Variants in SPACA7 observed in about 807,000 individuals in gnomAD.
SPACA7 encodes sperm acrosome associated 7, also known as sperm acrosome-associated protein 7.
Under a neutral mutation model 26.3 loss-of-function variants are expected in SPACA7, and 19 were observed. That is an observed-to-expected ratio of 0.72 (90% CI 0.50 to 1.06). The LOEUF is 1.06. SPACA7 is among the 50% of genes least tolerant of loss of function. The probability of loss-of-function intolerance (pLI) is 0.00; values close to 1 mark genes in which losing one functional copy is unlikely to be tolerated. For missense variants in SPACA7, 211 were observed against 229.9 expected (o/e 0.92, Z 0.53); for synonymous variants, 84 against 84.5 (o/e 0.99, Z 0.04).
At chr13:112,430,431 T>C (rs1353162046) in intron 5 of SPACA7, among the ~76,000 whole-genome samples, 1 of 152,378 alleles carries the variant, frequency 6.6e-6, no homozygotes. Flanking sequence ...CACTGTTTCA[T>C]GTATTTTTTC....
chr13:112,423,482 T>A (rs1411395283), intron 5 of SPACA7, among the ~76,000 whole-genome samples: 7 of 151,314 alleles, frequency 4.6e-5, no homozygotes, highest in Non-Finnish European at 1.0e-4. Flanking sequence ...AAATTCAAGA[T>A]GAAGTGATGA....
intron 5 of SPACA7, among the ~76,000 whole-genome samples, chr13:112,413,505 A>G (rs1286835308): frequency 6.6e-6 from 1 of 151,598 alleles, no homozygotes; most frequent in Non-Finnish European, 1.5e-5. Flanking sequence ...TGCTTCTTTT[A>G]TAATCCTTTC....
chr13:112,434,546 G>A lies in SPACA7; in HGVS notation c.585G>A (p.Gln195=). The change falls in exon 7 of 7, where the codon CAG becomes CAA. Residue 195 remains glutamine, a synonymous_variant. Coordinates refer to ENST00000283550, the MANE Select transcript of SPACA7 (RefSeq NM_145248.5). ...CACAGAGGAGGAGCCAAGGCAGTCA[G>A]TGAGGCCGCAGCCCCAGACCCCCTG... The part of the protein sequence containing the change: ...TSAQRRSQGS[Q] 6.2e-7 allele frequency: 1 copy of A among 1,605,928 alleles called. No individual in the cohort carries two copies. The highest frequency in any genetic ancestry group is 1.1e-5 in the South Asian group (1 of 89,432).
intron 5 of SPACA7, among the ~76,000 whole-genome samples, chr13:112,411,007 T>A (rs1886313168): frequency 6.6e-6 from 1 of 152,128 alleles, no homozygotes; most frequent in Non-Finnish European, 1.5e-5. Flanking sequence ...TCTTACTTTC[T>A]CAGGAAAACT....
chr13:112,412,458 A>T (rs1886412049), intron 5 of SPACA7, among the ~76,000 whole-genome samples: 2 of 152,016 alleles, frequency 1.3e-5, no homozygotes, highest in African/African-American at 4.8e-5. Flanking sequence ...TTTTAGCTTG[A>T]TATAATCCTA....
intron 5 of SPACA7, among the ~76,000 whole-genome samples, chr13:112,418,958 G>A (rs920490042): frequency 3.3e-5 from 5 of 151,966 alleles, no homozygotes; most frequent in African/African-American, 1.2e-4. Context: ...AGGAGGCAGA[G>A]GTTGCAGTGA....
chr13:112,433,337 G>A (rs1257001427), intron 6 of SPACA7, among the ~76,000 whole-genome samples: 4 of 148,518 alleles, frequency 2.7e-5, no homozygotes, highest in African/African-American at 7.4e-5. Context: ...TTGAGACCCT[G>A]TCACCTTCAC....
chr13:112,404,485 T>C (rs1885847881), intron 5 of SPACA7, among the ~76,000 whole-genome samples: 1 of 152,250 alleles, frequency 6.6e-6, no homozygotes, highest in African/African-American at 2.4e-5. Flanking sequence ...ATGAAGTCTT[T>C]GCCTAAGCAA....
Position 112,406,578 on chromosome 13 carries a change from A to G in SPACA7, c.445+5414A>G, listed in dbSNP as rs1386892425. 3.3e-5 allele frequency among the ~76,000 whole-genome samples: 5 copies of G among 152,192 alleles called. 1 individual carries two copies. The highest frequency in any genetic ancestry group is 1.3e-4 in the Admixed American group (2 of 15,286). On this transcript the variant is annotated intron_variant, in intron 5 of 6. Transcript: ENST00000283550. ...TGAATAGAGATTTTTTTCCAAGAAG[A>G]TATACATGGCCAATAAGTCCATGAA...
intron 5 of SPACA7, among the ~76,000 whole-genome samples, chr13:112,411,669 A>C (rs1235137441): frequency 6.6e-6 from 1 of 152,124 alleles, no homozygotes; most frequent in Non-Finnish European, 1.5e-5. Context: ...TTTTAGCTCC[A>C]ACATATGAGT....
At chr13:112,430,384 C>T (rs1418982980) in intron 5 of SPACA7, among the ~76,000 whole-genome samples, 3 of 152,240 alleles carry the variant, frequency 2.0e-5, no homozygotes, top group Non-Finnish European at 4.4e-5. Context: ...CAGGGGATCA[C>T]TGCTCTTTGC....
intron 5 of SPACA7, among the ~76,000 whole-genome samples, chr13:112,411,365 C>T (rs1438989190): frequency 1.3e-5 from 2 of 152,058 alleles, no homozygotes; most frequent in Non-Finnish European, 2.9e-5. Context: ...TTGCTATATG[C>T]ATACAATGTG....
chr13:112,429,222 A>C (rs1451138203), intron 5 of SPACA7, among the ~76,000 whole-genome samples: 2 of 152,090 alleles, frequency 1.3e-5, no homozygotes, highest in African/African-American at 4.8e-5. Context: ...ACAAAAAATA[A>C]AATATTGGCT....
At chr13:112,405,298 A>G (rs766133552) in intron 5 of SPACA7, among the ~76,000 whole-genome samples, 11 of 150,638 alleles carry the variant, frequency 7.3e-5, no homozygotes, top group Non-Finnish European at 1.3e-4. Flanking sequence ...CTAGTTTTAG[A>G]CCTCAGTAAT....
chr13:112,396,443 C>A (rs188651752), intron 2 of SPACA7, among the ~76,000 whole-genome samples: 1 of 152,320 alleles, frequency 6.6e-6, no homozygotes, highest in African/African-American at 2.4e-5. Context: ...TGCTGACCTG[C>A]TGTGCCTGGT....
At chr13:112,422,970 C>A (rs1007182356) in intron 5 of SPACA7, among the ~76,000 whole-genome samples, 2 of 152,120 alleles carry the variant, frequency 1.3e-5, no homozygotes, top group Non-Finnish European at 2.9e-5. Flanking sequence ...AGCAACTGTT[C>A]AAGAACAATG....
intron 1 of SPACA7, chr13:112,382,550 T>G: frequency 2.6e-6 from 4 of 1,544,248 alleles, no homozygotes; most frequent in Non-Finnish European, 3.5e-6. Flanking sequence ...GGGCGACACA[T>G]GCAGGCCTGG....
chr13:112,404,111 G>A (rs9577744), intron 5 of SPACA7, among the ~76,000 whole-genome samples: 14,583 of 152,114 alleles, frequency 0.096, 1,602 homozygotes, highest in East Asian at 0.28. Flanking sequence ...TTTGATTATG[G>A]CCACTCTTGC....
At chr13:112,409,329 C>G (rs1886194709) in intron 5 of SPACA7, among the ~76,000 whole-genome samples, 1 of 152,124 alleles carries the variant, frequency 6.6e-6, no homozygotes, top group African/African-American at 2.4e-5. Flanking sequence ...TCTAAAACAC[C>G]AAAAGCAATG....
Sources: gnomAD v4.1 joint callset for allele counts (sites outside exome capture counted in the v4.1 genomes callset) on GRCh38, gnomAD v4.1.1 for gene constraint, MANE v1.5 for transcripts, NCBI Gene and HGNC (gene_info 2026-07-23, HGNC 2026-07-21) for gene names.